The following PDE4D variants were observed in gnomAD, a reference collection of about 807,000 sequenced individuals.
PDE4D encodes 3',5'-cyclic-AMP phosphodiesterase 4D.
In PDE4D, 24 loss-of-function variants were observed where a neutral mutation model predicts 87.4. That is an observed-to-expected ratio of 0.27 (90% CI 0.20 to 0.39). The LOEUF (loss-of-function observed/expected upper bound fraction) is 0.39, where lower values mean the gene tolerates loss of function less well. Ranked by LOEUF, PDE4D falls within the 10% of genes least tolerant of loss-of-function variation. The pLI, the probability that PDE4D is intolerant of heterozygous loss-of-function variation, is 1.00. For synonymous variants in PDE4D, 384 were observed against 383.2 expected (o/e 1.00, Z -0.02); for missense variants, 714 against 1,041.0 (o/e 0.69, Z 4.32).
chr5:59,662,329 CACAATTCAGGAGAAAGG>C (rs1745388379), intron 1 of PDE4D, among the ~76,000 whole-genome samples: 1 of 152,170 alleles, frequency 6.6e-6, no homozygotes. Flanking sequence ...TGTCAATGGT[CACAATTCAGGAGAAAGG>C]ACAAGGTATA....
chr5:59,990,502 C>T (rs1762897138), intron 2 of PDE4D, among the ~76,000 whole-genome samples: 1 of 151,356 alleles, frequency 6.6e-6, no homozygotes, highest in South Asian at 2.1e-4. Flanking sequence ...GTTGTATAGA[C>T]AAGACGACAG....
intron 5 of PDE4D, among the ~76,000 whole-genome samples, chr5:59,119,658 C>A (rs926592379): frequency 4.6e-5 from 7 of 152,138 alleles, no homozygotes; most frequent in Admixed American, 4.6e-4. Context: ...ATTTTTCAAT[C>A]ATTGAGTCCT....
rs183796792 is a variant in PDE4D at position 59,324,981 on chromosome 5, T to C, written c.456-109013A>G. Among the ~76,000 whole-genome samples the C allele has an allele frequency of 2.0e-4, 31 of 152,280 alleles. No homozygotes were observed. In the East Asian group the frequency reaches 3.3e-3, roughly 16 times the overall value. ...AAAACTTTATTAATGTGGCATCATA[T>C]AGAGAATCAGAATCAGCTTTTGAGG... On this transcript the variant is annotated intron_variant, in intron 1 of 14. Coordinates refer to ENST00000340635, the MANE Select transcript of PDE4D (RefSeq NM_001104631.2).
At chr5:60,365,464 G>T (rs376164001) in intron 1 of PDE4D, among the ~76,000 whole-genome samples, 4 of 151,900 alleles carry the variant, frequency 2.6e-5, no homozygotes, top group Non-Finnish European at 5.9e-5. Context: ...CACTCCTTAC[G>T]GTTTTTTAAA....
chr5:59,262,675 G>T (rs1415042383), intron 1 of PDE4D, among the ~76,000 whole-genome samples: 2 of 151,904 alleles, frequency 1.3e-5, no homozygotes, highest in Non-Finnish European at 2.9e-5. Flanking sequence ...TGACAACTGT[G>T]TGGGGTTTCA....
rs1183806571 is a variant in PDE4D, at chr5:58,972,809, AATAC to A, written c.*1851_*1854del. 1 of 152,230 alleles carries A rather than the reference AATAC, an allele frequency of 6.6e-6. No individual in the cohort carries two copies. Among genetic ancestry groups the A allele is most frequent in the Non-Finnish European group, 1.5e-5 (1 of 68,044 alleles). 9.4% of individuals were successfully genotyped at this position (152,230 alleles called of 1,614,324 possible). On this transcript the variant is annotated 3_prime_UTR_variant, in exon 15 of 15. Coordinates refer to ENST00000340635, the MANE Select transcript of PDE4D (RefSeq NM_001104631.2). ...ACTAGGAATTAATCTCTAAAACTGT[AATAC>A]AGTTCCTGGTGCTGAAATCAGCCAA...
At chr5:60,277,369 C>T (rs1464734879) in intron 1 of PDE4D, among the ~76,000 whole-genome samples, 5 of 152,032 alleles carry the variant, frequency 3.3e-5, no homozygotes, top group African/African-American at 7.2e-5. Context: ...CAAAATTCCA[C>T]AAAAATCTGT....
chr5:59,245,228 A>G (rs1214427672), intron 1 of PDE4D, among the ~76,000 whole-genome samples: 1 of 152,146 alleles, frequency 6.6e-6, no homozygotes, highest in Non-Finnish European at 1.5e-5. Flanking sequence ...GCTAGGGTAC[A>G]CAAGGACATG....
chr5:60,312,155 T>A (rs1027053473), intron 1 of PDE4D, among the ~76,000 whole-genome samples: 5 of 152,112 alleles, frequency 3.3e-5, no homozygotes, highest in African/African-American at 1.2e-4. Flanking sequence ...AAAACTAACA[T>A]AGATATATTC....
intron 1 of PDE4D, among the ~76,000 whole-genome samples, chr5:59,283,843 A>T (rs1766322828): frequency 6.6e-6 from 1 of 152,188 alleles, no homozygotes; most frequent in African/African-American, 2.4e-5. Context: ...ACACATTTGC[A>T]GTATATGGCA....
intron 1 of PDE4D, among the ~76,000 whole-genome samples, chr5:59,324,463 A>G (rs973628161): frequency 6.6e-6 from 1 of 152,182 alleles, no homozygotes; most frequent in Admixed American, 6.6e-5. Flanking sequence ...TTGTTAAGAC[A>G]TCGGCATGTG....
chr5:60,508,405 C>T (rs1344601030), intron 1 of PDE4D, among the ~76,000 whole-genome samples: 1 of 152,186 alleles, frequency 6.6e-6, no homozygotes, highest in Non-Finnish European at 1.5e-5. Flanking sequence ...CACCAGTAAA[C>T]ATCTGCTAAA....
intron 1 of PDE4D, among the ~76,000 whole-genome samples, chr5:59,655,516 C>T (rs890987263): frequency 1.3e-5 from 2 of 152,152 alleles, no homozygotes; most frequent in Non-Finnish European, 2.9e-5. Context: ...TTGTTTACAA[C>T]TTATCAGTAA....
At chr5:60,240,381 T>C (rs757447011) in intron 1 of PDE4D, among the ~76,000 whole-genome samples, 3 of 152,086 alleles carry the variant, frequency 2.0e-5, no homozygotes, top group Admixed American at 6.6e-5. Flanking sequence ...AAGCAGACTC[T>C]TGGGGTCCCC....
At chr5:59,188,525 C>T (rs1050511706) in intron 3 of PDE4D, among the ~76,000 whole-genome samples, 1 of 152,078 alleles carries the variant, frequency 6.6e-6, no homozygotes, top group Non-Finnish European at 1.5e-5. Flanking sequence ...TATCATTTAA[C>T]ACTTAAACAG....
chr5:59,722,821 C>T (rs1756043600), intron 1 of PDE4D, among the ~76,000 whole-genome samples: 1 of 152,052 alleles, frequency 6.6e-6, no homozygotes, highest in Non-Finnish European at 1.5e-5. Flanking sequence ...TCAGTATACT[C>T]CTATATACCA....
intron 2 of PDE4D, among the ~76,000 whole-genome samples, chr5:60,024,183 G>C (rs1176005424): frequency 6.6e-6 from 1 of 152,122 alleles, no homozygotes. Flanking sequence ...GAAAGAGAGA[G>C]AGAATTTATA....
intron 3 of PDE4D, among the ~76,000 whole-genome samples, chr5:59,956,933 A>G (rs907396452): frequency 1.3e-5 from 2 of 152,212 alleles, no homozygotes; most frequent in African/African-American, 4.8e-5. Flanking sequence ...AATGTTCTAA[A>G]TTCTTATTCT....
chr5:59,671,298 G>A (rs1026309268), intron 1 of PDE4D, among the ~76,000 whole-genome samples: 6 of 151,898 alleles, frequency 4.0e-5, no homozygotes, highest in African/African-American at 1.5e-4. Context: ...CAGGCAGATC[G>A]CCATTTGAAA....
Sources: gnomAD v4.1 joint callset for allele counts (sites outside exome capture counted in the v4.1 genomes callset) on GRCh38, gnomAD v4.1.1 for gene constraint, MANE v1.5 for transcripts, NCBI Gene and HGNC (gene_info 2026-07-23, HGNC 2026-07-21) for gene names.